The following LRGUK variants were observed in gnomAD, a reference collection of about 807,000 sequenced individuals.
The protein encoded by LRGUK is leucine-rich repeat and guanylate kinase domain-containing protein.
In LRGUK, 65 loss-of-function variants were observed where a neutral mutation model predicts 76.0. That is an observed-to-expected ratio of 0.85 (90% CI 0.70 to 1.05). The LOEUF (loss-of-function observed/expected upper bound fraction) is 1.05, where lower values mean the gene tolerates loss of function less well. Ranked by LOEUF, LRGUK falls within the 50% of genes least tolerant of loss-of-function variation. The pLI, the probability that LRGUK is intolerant of heterozygous loss-of-function variation, is 0.00. For synonymous variants in LRGUK, 268 were observed against 265.6 expected (o/e 1.01, Z -0.09); for missense variants, 758 against 732.8 (o/e 1.03, Z -0.40).
intron 5 of LRGUK, among the ~76,000 whole-genome samples, chr7:134,148,957 C>T (rs768105780): frequency 1.1e-4 from 16 of 151,792 alleles, no homozygotes; most frequent in Non-Finnish European, 1.5e-4. Context: ...TTTGCTGAAA[C>T]TTGTGTCCTA....
intron 9 of LRGUK, 109 bp downstream of exon 9, chr7:134,177,172 A>T: frequency 1.6e-6 from 1 of 638,326 alleles, no homozygotes; most frequent in Non-Finnish European, 2.7e-6. Flanking sequence ...ACACATAACA[A>T]TATGTACATT....
At chr7:134,150,294 A>T (rs1054483632) in intron 5 of LRGUK, among the ~76,000 whole-genome samples, 5 of 151,126 alleles carry the variant, frequency 3.3e-5, no homozygotes, top group Non-Finnish European at 7.4e-5. Flanking sequence ...AAAAAAAACA[A>T]AAAAAAACAA....
intron 16 of LRGUK, among the ~76,000 whole-genome samples, chr7:134,225,612 C>T (rs1185084055): frequency 6.6e-6 from 1 of 152,190 alleles, no homozygotes; most frequent in Non-Finnish European, 1.5e-5. Flanking sequence ...CAGATTCACT[C>T]TTAAGAAATT....
exon 11 of LRGUK, chr7:134,183,753 G>A: frequency 6.8e-6 from 11 of 1,613,998 alleles, no homozygotes; most frequent in African/African-American, 1.3e-5. Flanking sequence ...CAGCCTGGAT[G>A]CCCCTTATCC....
intron 7 of LRGUK, among the ~76,000 whole-genome samples, chr7:134,166,592 G>A (rs1798995020): frequency 6.6e-6 from 1 of 152,076 alleles, no homozygotes; most frequent in African/African-American, 2.4e-5. Context: ...TAAAGCAATG[G>A]CAGCATGGAG....
chr7:134,234,929 C>T (rs906040812), intron 16 of LRGUK, among the ~76,000 whole-genome samples: 2 of 152,138 alleles, frequency 1.3e-5, no homozygotes, highest in African/African-American at 4.8e-5. Context: ...TTTTCTCTCC[C>T]AACCCAATAT....
rs141659989 is a variant in LRGUK, at chr7:134,183,841, A to G, written c.1322A>G (p.Tyr441Cys). Reference sequence around the variant, plus strand: ...CGCCTCTGCAGACAGTTTAGCACTTACTTCAGATATGGGTAAGTTTGTTTA... The same window carrying G: ...CGCCTCTGCAGACAGTTTAGCACTTGCTTCAGATATGGGTAAGTTTGTTTA... Residue 441 changes from tyrosine to cysteine, a missense_variant, in exon 11 of 16, where the codon TAC becomes TGC. Coordinates refer to ENST00000645682, the Ensembl canonical transcript of LRGUK. The G allele has an allele frequency of 1.5e-5, 25 of 1,613,800 alleles. No homozygotes were observed. The African/African-American group carries it at 3.3e-4, about 22-fold the overall frequency.
Position 134,235,399 on chromosome 7 carries a change from G to T in LRGUK, c.1984-12157G>T, listed in dbSNP as rs542859833. The stretch of plus-strand genomic sequence containing the variant: ...TCTTTCCCCAGATAGCCACATGGCT[G>T]ACTCCCTTTCCTCCTTCAACTATTA... On this transcript the variant is annotated intron_variant, in intron 16 of 19. Transcript: ENST00000285928. Among the ~76,000 whole-genome samples, 310 of 152,250 alleles carry T rather than the reference G, an allele frequency of 2.0e-3. 1 individual carries two copies. The highest frequency in any genetic ancestry group is 0.01 in the Middle Eastern group (3 of 294).
intron 11 of LRGUK, among the ~76,000 whole-genome samples, chr7:134,190,410 G>T (rs927355068): frequency 2.6e-5 from 4 of 152,098 alleles, no homozygotes; most frequent in African/African-American, 9.7e-5. Flanking sequence ...ATCTCACTAT[G>T]TTGCCCAGGC....
chr7:134,165,581 T>C (rs887263839), intron 7 of LRGUK, among the ~76,000 whole-genome samples: 1 of 152,224 alleles, frequency 6.6e-6, no homozygotes, highest in African/African-American at 2.4e-5. Context: ...TAATGCATTT[T>C]ACTTAACCCA....
exon 16 of LRGUK, chr7:134,209,549 C>T (rs751521873): frequency 4.0e-5 from 16 of 399,120 alleles, no homozygotes; most frequent in Middle Eastern, 6.2e-4. Context: ...GGCTCCCACT[C>T]GGCTGCCCCA....
chr7:134,264,677 A>C (rs1018583992), downstream of LRGUK: 4 of 152,098 alleles, frequency 2.6e-5, no homozygotes, highest in Admixed American at 2.6e-4. Flanking sequence ...TTGTAGTTTC[A>C]CTCCTTGTCT....
chr7:134,178,502 G>A lies in LRGUK; in HGVS notation c.1108-1G>A. ...CTTTTACATCTCTAATTCTGGAAAA[G>A]GTTTCAGCAGTGAATAAATATGATC... On this transcript the variant is annotated splice_acceptor_variant, in intron 9 of 15. Coordinates refer to ENST00000645682, the Ensembl canonical transcript of LRGUK. LOFTEE classifies it high-confidence loss of function. 6.2e-7 allele frequency: 1 copy of A among 1,605,292 alleles called. No individual in the cohort carries two copies. The highest frequency in any genetic ancestry group is 8.5e-7 in the Non-Finnish European group (1 of 1,176,438).
chr7:134,209,660 A>G (rs1051392235), exon 16 of LRGUK: 1 of 399,298 alleles, frequency 2.5e-6, no homozygotes, highest in Non-Finnish European at 4.4e-6. Flanking sequence ...TCAAACCATG[A>G]CGGTCTCTCC....
intron 1 of LRGUK, among the ~76,000 whole-genome samples, chr7:134,134,882 A>G (rs1797460850): frequency 6.6e-6 from 1 of 152,240 alleles, no homozygotes; most frequent in South Asian, 2.1e-4. Context: ...TATTGGGAAC[A>G]CTACGTTGCA....
intron 4 of LRGUK, 127 bp from the exon 5 acceptor site, chr7:134,148,111 G>A (rs1376745401): frequency 3.3e-6 from 2 of 606,902 alleles, no homozygotes; most frequent in African/African-American, 1.9e-5. Flanking sequence ...TTTAGCCTTA[G>A]TGTGTACTTT....
At chr7:134,209,802 G>A in exon 16 of LRGUK, 1 of 399,622 alleles carries the variant, frequency 2.5e-6, no homozygotes, top group Non-Finnish European at 4.4e-6. Context: ...GAGAAGGTCA[G>A]TGAGGTGAAA....
intron 16 of LRGUK, among the ~76,000 whole-genome samples, chr7:134,232,616 T>C (rs994175990): frequency 6.6e-6 from 1 of 152,182 alleles, no homozygotes; most frequent in South Asian, 2.1e-4. Context: ...AGGTTTCCTC[T>C]AGAACCTAAA....
downstream of LRGUK, among the ~76,000 whole-genome samples, chr7:134,268,972 C>A (rs1663831247): frequency 6.6e-6 from 1 of 151,792 alleles, no homozygotes; most frequent in Non-Finnish European, 1.5e-5. Flanking sequence ...ACTTTGTGAT[C>A]CTCCCGTCTC....
Sources: gnomAD v4.1 joint callset for allele counts (sites outside exome capture counted in the v4.1 genomes callset) on GRCh38, gnomAD v4.1.1 for gene constraint, MANE v1.5 for transcripts, NCBI Gene and HGNC (gene_info 2026-07-23, HGNC 2026-07-21) for gene names.